The following CD2AP variants were observed in gnomAD, a reference collection of about 807,000 sequenced individuals.
The protein encoded by CD2AP is CD2 associated protein.
A neutral mutation model predicts 85.1 loss-of-function variants in CD2AP; 46 were observed. The observed-to-expected ratio is 0.54, with a 90% CI of 0.43 to 0.69. The LOEUF is 0.69. Ranked by LOEUF, CD2AP falls within the 30% of genes least tolerant of loss-of-function variation. The pLI, the probability that CD2AP is intolerant of heterozygous loss-of-function variation, is 0.00. For synonymous variants in CD2AP, 255 were observed against 252.9 expected, an observed-to-expected ratio of 1.01 and a Z score of -0.08; for missense variants, 769 against 729.5, an observed-to-expected ratio of 1.05 and a Z score of -0.62.
At chr6:47,561,881 C>T (rs947769676) in intron 5 of CD2AP, among the ~76,000 whole-genome samples, 2 of 152,248 alleles carry the variant, frequency 1.3e-5, no homozygotes, top group East Asian at 3.9e-4. Flanking sequence ...CCCGGGTTCA[C>T]GTCATTCTCC....
chr6:47,511,073 C>CA (rs70999630), intron 2 of CD2AP, among the ~76,000 whole-genome samples: 12,849 of 51,818 alleles, frequency 0.25, 2,881 homozygotes, highest in African/African-American at 0.34. Context: ...CTCTGTGTCT[C>CA]AAAAAAAAAA....
chr6:47,505,036 T>A (rs1472802569), intron 2 of CD2AP, among the ~76,000 whole-genome samples: 66 of 104,210 alleles, frequency 6.3e-4, no homozygotes, highest in African/African-American at 1.9e-3. Flanking sequence ...TTTTTTTTTT[T>A]AATTTATTTT....
chr6:47,539,051 G>A (rs1281544081), intron 3 of CD2AP, among the ~76,000 whole-genome samples: 1 of 152,092 alleles, frequency 6.6e-6, no homozygotes, highest in African/African-American at 2.4e-5. Context: ...TATTGGTCTA[G>A]GCAATTAATT....
chr6:47,543,696 G>T (rs1026051021), intron 3 of CD2AP, among the ~76,000 whole-genome samples: 1 of 152,176 alleles, frequency 6.6e-6, no homozygotes, highest in African/African-American at 2.4e-5. Context: ...TCTCATTAGG[G>T]TGTTACCCTT....
intron 2 of CD2AP, among the ~76,000 whole-genome samples, chr6:47,520,607 T>A (rs1766562259): frequency 6.6e-6 from 1 of 151,654 alleles, no homozygotes; most frequent in Non-Finnish European, 1.5e-5. Flanking sequence ...CTCTGGTGGG[T>A]GGTGGTTGGG....
chr6:47,602,139 C>T (rs1769157015), intron 13 of CD2AP, among the ~76,000 whole-genome samples: 1 of 151,744 alleles, frequency 6.6e-6, no homozygotes, highest in Non-Finnish European at 1.5e-5. Context: ...CATATGTAAA[C>T]GTTTATGTGT....
chr6:47,513,096 T>C (rs1766361759), intron 2 of CD2AP, among the ~76,000 whole-genome samples: 1 of 152,002 alleles, frequency 6.6e-6, no homozygotes, highest in African/African-American at 2.4e-5. Context: ...GATTATGACT[T>C]CAGCAAGAAA....
intron 4 of CD2AP, among the ~76,000 whole-genome samples, chr6:47,547,704 A>G (rs1767403522): frequency 6.6e-6 from 1 of 152,230 alleles, no homozygotes; most frequent in Non-Finnish European, 1.5e-5. Context: ...AACATTCTAC[A>G]CAACCACCAC....
At chr6:47,481,211 T>G (rs772216145) in intron 1 of CD2AP, among the ~76,000 whole-genome samples, 3 of 152,218 alleles carry the variant, frequency 2.0e-5, no homozygotes, top group Non-Finnish European at 2.9e-5. Context: ...TTGTGAATTT[T>G]TATTTTTGGA....
intron 2 of CD2AP, among the ~76,000 whole-genome samples, chr6:47,532,085 G>A (rs1414711628): frequency 6.8e-6 from 1 of 147,700 alleles, no homozygotes; most frequent in East Asian, 2.0e-4. Flanking sequence ...AAAAAAAAAA[G>A]AATCCTTTTC....
At chr6:47,498,357 CAGAG>C (rs1765919664) in intron 1 of CD2AP, among the ~76,000 whole-genome samples, 1 of 152,130 alleles carries the variant, frequency 6.6e-6, no homozygotes, top group Admixed American at 6.5e-5. Context: ...TATTTCCTGT[CAGAG>C]AGCTTTCTAG....
At chr6:47,537,410 A>C (rs777510538) in intron 3 of CD2AP, among the ~76,000 whole-genome samples, 2 of 152,090 alleles carry the variant, frequency 1.3e-5, no homozygotes, top group African/African-American at 2.4e-5. Context: ...TTGGGGTTAG[A>C]ACACCCTACC....
chr6:47,479,495 C>T (rs760621552), intron 1 of CD2AP, among the ~76,000 whole-genome samples: 1 of 152,158 alleles, frequency 6.6e-6, no homozygotes, highest in African/African-American at 2.4e-5. Flanking sequence ...AACTTTCATA[C>T]TCAAAAGTGC....
chr6:47,492,347 C>CTTTT lies in CD2AP; in HGVS notation c.5-10913_5-10910dup, dbSNP rs70999626. 3.6e-4 allele frequency among the ~76,000 whole-genome samples: 34 copies of CTTTT among 95,478 alleles called. 1 individual carries two copies. The highest frequency in any genetic ancestry group is 1.0e-3 in the East Asian group (3 of 2,896). 62.6% of individuals were successfully genotyped at this position (95,478 alleles called of 152,430 possible). ...GGGTTTGGTGGCTCACACCTGTAAT[C>CTTTT]TTTTTTTTTTTTTTTTTTTTTTTGA... is the stretch of plus-strand genomic sequence containing the variant. On this transcript the variant is annotated intron_variant, in intron 1 of 17. Transcript: ENST00000359314.
At chr6:47,564,328 G>A (rs370205017) in intron 5 of CD2AP, among the ~76,000 whole-genome samples, 1 of 152,042 alleles carries the variant, frequency 6.6e-6, no homozygotes, top group Admixed American at 6.5e-5. Context: ...TGAGTGAAAT[G>A]ATCTTTGTGA....
chr6:47,584,138 T>C (rs1768556782), intron 11 of CD2AP, among the ~76,000 whole-genome samples: 1 of 152,210 alleles, frequency 6.6e-6, no homozygotes, highest in East Asian at 1.9e-4. Flanking sequence ...ATATTTTGTA[T>C]AGCAATCCTT....
chr6:47,485,525 T>G (rs1765546276), intron 1 of CD2AP, among the ~76,000 whole-genome samples: 1 of 152,078 alleles, frequency 6.6e-6, no homozygotes, highest in African/African-American at 2.4e-5. Flanking sequence ...ATTTATAAAG[T>G]AAAAAGTTAT....
intron 4 of CD2AP, 161 bp downstream of exon 4, chr6:47,544,867 T>A: frequency 1.8e-6 from 1 of 558,118 alleles, no homozygotes. Context: ...TATTTATATA[T>A]GTATTTGTAT....
chr6:47,607,850 G>A, intron 14 of CD2AP, 77 bp from the exon 15 acceptor site: 2 of 920,902 alleles, frequency 2.2e-6, no homozygotes, highest in Non-Finnish European at 3.4e-6. Flanking sequence ...AAAGTTATTT[G>A]CTTTATTATC....
Sources: gnomAD v4.1 joint callset for allele counts (sites outside exome capture counted in the v4.1 genomes callset) on GRCh38, gnomAD v4.1.1 for gene constraint, MANE v1.5 for transcripts, NCBI Gene and HGNC (gene_info 2026-07-23, HGNC 2026-07-21) for gene names.